The following TNS1 variants were observed in gnomAD, a reference collection of about 807,000 sequenced individuals.
TNS1 encodes the protein tensin 1, also known as tensin-1.
TNS1 carries 62 observed loss-of-function variants against 168.6 expected under a neutral mutation model. The observed-to-expected ratio is 0.37, with a 90% CI of 0.30 to 0.45. TNS1 has a LOEUF of 0.45. Among genes scored for constraint, TNS1 ranks in the 20% least tolerant of loss-of-function variants. TNS1 has a pLI of 1.00. For missense variants in TNS1, 2,240 were observed against 2,339.4 expected (o/e 0.96, Z 0.88); for synonymous variants, 934 against 933.2 (o/e 1.00, Z -0.02).
chr2:217,984,414 A>G (rs2126066125), intron 2 of TNS1, among the ~76,000 whole-genome samples: 1 of 151,804 alleles, frequency 6.6e-6, no homozygotes, highest in Non-Finnish European at 1.5e-5. Flanking sequence ...TTAAAATATT[A>G]TGAGTTTTTT....
chr2:217,856,693 A>C (rs1323118632), intron 18 of TNS1, among the ~76,000 whole-genome samples: 2 of 152,204 alleles, frequency 1.3e-5, no homozygotes, highest in Non-Finnish European at 2.9e-5. Context: ...TTTGGTAAAA[A>C]AAATTACCAA....
At chr2:217,946,164 T>C (rs1206281121) in intron 3 of TNS1, among the ~76,000 whole-genome samples, 2 of 152,068 alleles carry the variant, frequency 1.3e-5, no homozygotes, top group African/African-American at 4.8e-5. Flanking sequence ...CCATTCCCTC[T>C]CCTCCCTATC....
chr2:217,946,965 T>TCA (rs1434475994), intron 3 of TNS1, among the ~76,000 whole-genome samples: 3,077 of 130,264 alleles, frequency 0.024, 28 homozygotes, highest in Non-Finnish European at 0.031. Flanking sequence ...TCTCTCTCTC[T>TCA]CTCTCACACA....
intron 1 of TNS1, among the ~76,000 whole-genome samples, chr2:217,996,741 G>C (rs950415053): frequency 1.3e-5 from 2 of 151,878 alleles, no homozygotes; most frequent in Non-Finnish European, 2.9e-5. Flanking sequence ...CAGCCTCCTG[G>C]GCCCCGACAC....
chr2:217,915,472 C>A (rs1420994870), intron 4 of TNS1, among the ~76,000 whole-genome samples: 1 of 152,194 alleles, frequency 6.6e-6, no homozygotes, highest in Non-Finnish European at 1.5e-5. Context: ...CAGAAAGGAA[C>A]TCTGAAGCCC....
At chr2:218,023,715 A>C (rs541400155) in intron 1 of TNS1, among the ~76,000 whole-genome samples, 2 of 152,326 alleles carry the variant, frequency 1.3e-5, no homozygotes, top group African/African-American at 4.8e-5. Context: ...GGAGGCTCAC[A>C]GTATCAGTCG....
At chr2:217,809,255 GGATGGATGGATGGATGGATGGATGC>G (rs1939989502) in intron 30 of TNS1, among the ~76,000 whole-genome samples, 1 of 72,528 alleles carries the variant, frequency 1.4e-5, no homozygotes, top group Non-Finnish European at 2.8e-5. Flanking sequence ...ATGGATGCAT[GGATGGATGGATGGATGGATGGATGC>G]ATGGATGGAT....
rs371568239 is a variant in TNS1, at chr2:217,913,655, C to T, written c.229-6404G>A. 2.4e-4 allele frequency among the ~76,000 whole-genome samples: 36 copies of T among 152,258 alleles called. No homozygotes were observed. In the East Asian group the frequency reaches 5.4e-3, roughly 23 times the overall value. Reference sequence around the variant, plus strand: ...TAACACCCTGCTTTGGGTCACTTCCCCACTCAGGGACCCAGGATAGCCCTT... The same window carrying T: ...TAACACCCTGCTTTGGGTCACTTCCTCACTCAGGGACCCAGGATAGCCCTT... On this transcript the variant is annotated intron_variant, in intron 4 of 32. Coordinates refer to ENST00000682258, the MANE Select transcript of TNS1 (RefSeq NM_001387777.1).
chr2:217,956,041 G>C (rs547980988), intron 3 of TNS1, among the ~76,000 whole-genome samples: 1 of 152,234 alleles, frequency 6.6e-6, no homozygotes, highest in East Asian at 1.9e-4. Context: ...CCCCCACCAA[G>C]TCCCAGAGTC....
chr2:217,988,668 G>A (rs934039), intron 2 of TNS1, among the ~76,000 whole-genome samples: 47,926 of 151,982 alleles, frequency 0.32, 7,919 homozygotes, highest in East Asian at 0.53. Flanking sequence ...TAAACTGCCC[G>A]CAAGCCCCAG....
chr2:218,028,398 T>C (rs1958867071), intron 1 of TNS1, among the ~76,000 whole-genome samples: 1 of 152,220 alleles, frequency 6.6e-6, no homozygotes, highest in Non-Finnish European at 1.5e-5. Flanking sequence ...GCACTTGCCC[T>C]ATCTGCATTC....
intron 19 of TNS1, among the ~76,000 whole-genome samples, chr2:217,845,117 G>A (rs1249980312): frequency 6.6e-6 from 1 of 152,332 alleles, no homozygotes; most frequent in East Asian, 1.9e-4. Context: ...TAAGGCACAA[G>A]GGTGATTGGA....
intron 4 of TNS1, among the ~76,000 whole-genome samples, chr2:217,919,073 C>G (rs1955443787): frequency 6.6e-6 from 1 of 152,216 alleles, no homozygotes; most frequent in Non-Finnish European, 1.5e-5. Flanking sequence ...TCATTTCACT[C>G]CATCACCACC....
Position 217,808,070 on chromosome 2 carries a change from C to T in TNS1, c.5375+5G>A. The T allele has an allele frequency of 6.2e-7, 1 of 1,613,264 alleles. No individual in the cohort carries two copies. Among genetic ancestry groups the T allele is most frequent in the Admixed American group, 1.7e-5 (1 of 60,010 alleles). On this transcript the variant is annotated splice_donor_5th_base_variant and intron_variant, in intron 32 of 32. Coordinates refer to ENST00000682258, the MANE Select transcript of TNS1 (RefSeq NM_001387777.1). ...TGCTGGGCAGGGGTAAGAAGTCACA[C>T]TTACTTAGCAGGGGCACCACCCTCT...
intron 3 of TNS1, among the ~76,000 whole-genome samples, chr2:217,959,217 A>C (rs1237680173): frequency 6.6e-6 from 1 of 152,242 alleles, no homozygotes; most frequent in African/African-American, 2.4e-5. Context: ...TTCCTGCTAA[A>C]ACTGGAATGG....
chr2:217,844,867 G>A (rs767011136), intron 19 of TNS1, among the ~76,000 whole-genome samples: 2 of 152,196 alleles, frequency 1.3e-5, no homozygotes, highest in Non-Finnish European at 1.5e-5. Flanking sequence ...AGATAACTCA[G>A]TTGGACTCTC....
chr2:217,916,372 T>G (rs1256582441), intron 4 of TNS1, among the ~76,000 whole-genome samples: 4 of 151,908 alleles, frequency 2.6e-5, no homozygotes, highest in Non-Finnish European at 5.9e-5. Context: ...TGGGCCTGCC[T>G]GGGCAAGTAG....
intron 1 of TNS1, among the ~76,000 whole-genome samples, chr2:217,996,629 C>T (rs1421471843): frequency 1.3e-5 from 2 of 152,080 alleles, no homozygotes; most frequent in Non-Finnish European, 2.9e-5. Flanking sequence ...GTTGCCAAAT[C>T]CTGTGAATTT....
chr2:218,006,365 C>A (rs902522899), upstream of TNS1, among the ~76,000 whole-genome samples: 2 of 152,226 alleles, frequency 1.3e-5, no homozygotes, highest in African/African-American at 4.8e-5. Context: ...GCTCCACCTT[C>A]TGCGATGACA....
Sources: allele counts gnomAD v4.1 joint callset (sites outside exome capture counted in the v4.1 genomes callset), GRCh38; gene constraint gnomAD v4.1.1; transcripts MANE v1.5; gene names NCBI Gene and HGNC (gene_info 2026-07-23, HGNC 2026-07-21).